The following CPEB3 variants were observed in gnomAD, a reference collection of about 807,000 sequenced individuals.
CPEB3 encodes the protein cytoplasmic polyadenylation element-binding protein 3.
CPEB3 carries 20 observed loss-of-function variants against 67.2 expected under a neutral mutation model. The observed-to-expected ratio is 0.30, with a 90% confidence interval of 0.21 to 0.43. CPEB3 has a LOEUF of 0.43. Among genes scored for constraint, CPEB3 ranks in the 20% least tolerant of loss-of-function variants. CPEB3 has a pLI of 1.00. For synonymous variants in CPEB3, 376 were observed against 393.1 expected (o/e 0.96, Z 0.51); for missense variants, 746 against 968.6 (o/e 0.77, Z 3.05).
intron 4 of CPEB3, among the ~76,000 whole-genome samples, chr10:92,155,978 T>C (rs773517016): frequency 3.3e-5 from 5 of 152,218 alleles, no homozygotes; most frequent in African/African-American, 1.2e-4. Flanking sequence ...TGGCAAACTC[T>C]GCTCTGCATA....
At chr10:92,257,612 G>A (rs1453494781) in intron 1 of CPEB3, among the ~76,000 whole-genome samples, 1 of 152,030 alleles carries the variant, frequency 6.6e-6, no homozygotes, top group Non-Finnish European at 1.5e-5. Context: ...TAGAAAGCTT[G>A]CAGCAGTGTA....
chr10:92,101,012 G>T (rs1250449554), intron 7 of CPEB3, among the ~76,000 whole-genome samples: 2 of 152,074 alleles, frequency 1.3e-5, no homozygotes, highest in Non-Finnish European at 2.9e-5. Context: ...TATACATATC[G>T]TCAAGCTCAT....
intron 1 of CPEB3, among the ~76,000 whole-genome samples, chr10:92,271,740 C>G (rs567711987): frequency 9.7e-4 from 147 of 152,276 alleles, no homozygotes; most frequent in Non-Finnish European, 1.9e-3. Flanking sequence ...CATTGTAAAA[C>G]AGCTACTGTA....
chr10:92,184,723 A>G (rs997037750), intron 3 of CPEB3, among the ~76,000 whole-genome samples: 2 of 152,224 alleles, frequency 1.3e-5, no homozygotes, highest in Non-Finnish European at 2.9e-5. Context: ...AAGTAAAATC[A>G]TTCACAGCAT....
At chr10:92,113,907 G>C (rs1184732253) in intron 6 of CPEB3, among the ~76,000 whole-genome samples, 1 of 152,198 alleles carries the variant, frequency 6.6e-6, no homozygotes, top group African/African-American at 2.4e-5. Flanking sequence ...ATTATCAAGA[G>C]AAATATCTAT....
At chr10:92,284,953 AG>A (rs1564933084) in intron 1 of CPEB3, among the ~76,000 whole-genome samples, 1 of 152,224 alleles carries the variant, frequency 6.6e-6, no homozygotes, top group Non-Finnish European at 1.5e-5. Flanking sequence ...ACCTGAGAAT[AG>A]GTAATTTATA....
Position 92,239,244 on chromosome 10 carries a change from G to T in CPEB3, c.1005+102C>A. ...GAAGGGGAAAGAGGAGCTGGACATT[G>T]CTGCCCTTTTTAAATATAAGCGGGT... is the stretch of plus-strand genomic sequence containing the variant. On this transcript the variant is annotated intron_variant, in intron 2 of 9. Coordinates refer to ENST00000265997, the MANE Select transcript of CPEB3 (RefSeq NM_014912.5). The surrounding 1 kb of genome is among the most constrained non-coding windows in gnomAD (Gnocchi z 6.0). The T allele has an allele frequency of 7.7e-7, 1 of 1,303,740 alleles. No individual in the cohort carries two copies. The highest frequency in any genetic ancestry group is 1.1e-6 in the Non-Finnish European group (1 of 940,322). 80.8% of individuals were successfully genotyped at this position (1,303,740 alleles called of 1,614,324 possible).
At chr10:92,071,245 G>A (rs1440053156) in intron 9 of CPEB3, among the ~76,000 whole-genome samples, 1 of 152,166 alleles carries the variant, frequency 6.6e-6, no homozygotes, top group African/African-American at 2.4e-5. Context: ...TCTACTGCAT[G>A]ATGCATTTAA....
chr10:92,106,910 T>C (rs1352348714), intron 7 of CPEB3, among the ~76,000 whole-genome samples: 1 of 150,190 alleles, frequency 6.7e-6, no homozygotes, highest in Non-Finnish European at 1.5e-5. Context: ...AGCATAGATA[T>C]TTCTGTTTGG....
intron 2 of CPEB3, among the ~76,000 whole-genome samples, chr10:92,206,056 A>G (rs1015791036): frequency 3.9e-5 from 6 of 152,010 alleles, no homozygotes; most frequent in African/African-American, 1.5e-4. Flanking sequence ...TAAATGTCAT[A>G]AAGTCAAGTC....
intron 1 of CPEB3, among the ~76,000 whole-genome samples, chr10:92,251,834 G>A (rs146699961): frequency 2.6e-3 from 388 of 151,804 alleles, no homozygotes; most frequent in Non-Finnish European, 4.3e-3. Context: ...CCAGCTACTC[G>A]GGAGACTGAG....
At chr10:92,160,220 C>T (rs1847406034) in intron 4 of CPEB3, among the ~76,000 whole-genome samples, 1 of 152,098 alleles carries the variant, frequency 6.6e-6, no homozygotes, top group Non-Finnish European at 1.5e-5. Flanking sequence ...GCTGGGATTA[C>T]AGGGGTGAGC....
intron 1 of CPEB3, among the ~76,000 whole-genome samples, chr10:92,254,749 C>T (rs996149962): frequency 2.0e-5 from 3 of 152,168 alleles, no homozygotes; most frequent in Non-Finnish European, 1.5e-5. Flanking sequence ...GCCTTGATCT[C>T]CTTGGCTCAA....
chr10:92,090,549 CA>C (rs1843570994), intron 8 of CPEB3, among the ~76,000 whole-genome samples: 1 of 152,078 alleles, frequency 6.6e-6, no homozygotes, highest in African/African-American at 2.4e-5. Context: ...CTCAAACAAA[CA>C]AACAAACAAA....
chr10:92,144,514 T>C (rs117709150), intron 5 of CPEB3, among the ~76,000 whole-genome samples: 21 of 152,234 alleles, frequency 1.4e-4, no homozygotes, highest in African/African-American at 3.6e-4. Flanking sequence ...AATCCTCCCA[T>C]CTTGGCCTCC....
intron 3 of CPEB3, among the ~76,000 whole-genome samples, chr10:92,188,292 CGAAAA>C (rs1335316256): frequency 6.7e-4 from 23 of 34,520 alleles, no homozygotes; most frequent in East Asian, 8.2e-4. Flanking sequence ...TTCTCTCAAA[CGAAAA>C]GAAAAGTATA....
intron 7 of CPEB3, among the ~76,000 whole-genome samples, chr10:92,103,931 A>C (rs1844312281): frequency 6.6e-6 from 1 of 152,232 alleles, no homozygotes; most frequent in South Asian, 2.1e-4. Flanking sequence ...AGAGGAATGT[A>C]CACATAAAAG....
chr10:92,079,951 A>G (rs1348365136), intron 9 of CPEB3, among the ~76,000 whole-genome samples: 1 of 152,006 alleles, frequency 6.6e-6, no homozygotes, highest in African/African-American at 2.4e-5. Context: ...CTGTAATCCC[A>G]GCACTTTGGG....
chr10:92,181,014 T>C lies in CPEB3; in HGVS notation c.1171A>G (p.Met391Val). ...CCTGGATGATGGAAATTTATCCCCA[T>C]GCGTCCTAAAAAATAAAATAATTTT... ...IMWRNHFAGR[M>V]GINFHHPGTD... Residue 391 changes from methionine (M) to valine (V), a missense_variant, in exon 4 of 10, where the codon ATG becomes GTG. Physicochemically the swap from Met to Val is conservative, Grantham distance 21. Coordinates refer to ENST00000265997, the MANE Select transcript of CPEB3 (RefSeq NM_014912.5). 6.7e-7 allele frequency: 1 copy of C among 1,500,238 alleles called. No homozygotes were observed. The highest frequency in any genetic ancestry group is 9.3e-7 in the Non-Finnish European group (1 of 1,077,630). 92.9% of individuals were successfully genotyped at this position (1,500,238 alleles called of 1,614,324 possible).
Sources: gnomAD v4.1 joint callset for allele counts (sites outside exome capture counted in the v4.1 genomes callset) on GRCh38, gnomAD v4.1.1 for gene constraint, Gnocchi (gnomAD v3.1) non-coding constraint, MANE v1.5 for transcripts, NCBI Gene and HGNC (gene_info 2026-07-23, HGNC 2026-07-21) for gene names.